Variants in CPNE8 observed in about 807,000 individuals in gnomAD.
CPNE8 encodes copine 8, also known as copine-8.
A neutral mutation model predicts 81.5 loss-of-function variants in CPNE8; 45 were observed. The ratio of observed to expected loss-of-function variants is 0.55; its 90% confidence interval spans 0.44 to 0.71. CPNE8 has a LOEUF of 0.71. Among genes scored for constraint, CPNE8 ranks in the 30% least tolerant of loss-of-function variants. The pLI is 0.00. For missense variants in CPNE8, 594 were observed against 672.1 expected (o/e 0.88, Z 1.28); for synonymous variants, 252 against 226.3 (o/e 1.11, Z -1.02).
chr12:38,856,201 T>C lies in CPNE8; in HGVS notation c.187-7539A>G, dbSNP rs974341391. On this transcript the variant is annotated intron_variant, in intron 3 of 19. Coordinates refer to ENST00000331366, the MANE Select transcript of CPNE8 (RefSeq NM_153634.3). Reference sequence around the variant, plus strand: ...AATGAATAAGAGATTGAAGCAGTAATCAACAACCTCAAAAGCAGTAATCAA... The same window carrying C: ...AATGAATAAGAGATTGAAGCAGTAACCAACAACCTCAAAAGCAGTAATCAA... Among the ~76,000 whole-genome samples the C allele has an allele frequency of 5.9e-5, 9 of 152,052 alleles. No individual in the cohort carries two copies. In the South Asian group the frequency reaches 1.5e-3, roughly 25 times the overall value.
At chr12:38,725,377 T>C (rs1940670047) in intron 11 of CPNE8, among the ~76,000 whole-genome samples, 1 of 152,230 alleles carries the variant, frequency 6.6e-6, no homozygotes, top group Non-Finnish European at 1.5e-5. Context: ...TGCTACATAA[T>C]AATTGGTAAA....
intron 10 of CPNE8, among the ~76,000 whole-genome samples, chr12:38,746,190 T>C (rs1163580385): frequency 6.6e-6 from 1 of 151,860 alleles, no homozygotes; most frequent in Non-Finnish European, 1.5e-5. Flanking sequence ...TTCTTCAATA[T>C]TAAAAAAAAA....
intron 15 of CPNE8, among the ~76,000 whole-genome samples, chr12:38,686,826 C>T (rs1397239733): frequency 4.6e-5 from 7 of 152,172 alleles, no homozygotes; most frequent in Admixed American, 4.6e-4. Context: ...TAACTTTCCC[C>T]AGATTGAGTG....
chr12:38,696,605 A>G (rs894955773), intron 14 of CPNE8, among the ~76,000 whole-genome samples: 3 of 152,216 alleles, frequency 2.0e-5, no homozygotes, highest in Non-Finnish European at 4.4e-5. Flanking sequence ...CAATATGTAT[A>G]CTTTTGTTAT....
chr12:38,783,430 C>A (rs1307113988), intron 6 of CPNE8, among the ~76,000 whole-genome samples: 2 of 152,154 alleles, frequency 1.3e-5, no homozygotes, highest in Non-Finnish European at 2.9e-5. Flanking sequence ...CCCCTTGCAG[C>A]TACACTGTGG....
chr12:38,738,525 G>A (rs79651568), intron 10 of CPNE8, among the ~76,000 whole-genome samples: 1,625 of 152,164 alleles, frequency 0.011, 32 homozygotes, highest in African/African-American at 0.036. Context: ...GGGATTGTTA[G>A]TCAAAAAATG....
chr12:38,862,320 A>G (rs1943849541), intron 3 of CPNE8, among the ~76,000 whole-genome samples: 1 of 151,808 alleles, frequency 6.6e-6, no homozygotes, highest in Non-Finnish European at 1.5e-5. Flanking sequence ...GATGGTGGAA[A>G]CATATGAGTT....
intron 10 of CPNE8, among the ~76,000 whole-genome samples, chr12:38,753,361 A>G (rs1044779392): frequency 6.6e-6 from 1 of 152,176 alleles, no homozygotes; most frequent in African/African-American, 2.4e-5. Context: ...CTGAGACAGG[A>G]GAATCACCTG....
upstream of CPNE8, chr12:38,905,595 G>A (rs1243859842): frequency 6.5e-7 from 1 of 1,533,614 alleles, no homozygotes. Flanking sequence ...GCGGACTGAG[G>A]GCTAGCTCCC....
chr12:38,906,577 A>G (rs1944574922), upstream of CPNE8: 2 of 985,482 alleles, frequency 2.0e-6, no homozygotes, highest in African/African-American at 1.7e-5. Flanking sequence ...ACCCGCAAGA[A>G]CTGAGACCTG....
chr12:38,779,227 T>C (rs1941995864), intron 6 of CPNE8, among the ~76,000 whole-genome samples: 1 of 152,078 alleles, frequency 6.6e-6, no homozygotes. Flanking sequence ...TAAGGACCAA[T>C]CAGAAGCTTA....
chr12:38,679,811 A>C, intron 16 of CPNE8: 1 of 441,390 alleles, frequency 2.3e-6, no homozygotes, highest in Non-Finnish European at 3.0e-6. Context: ...TTATTTTAAA[A>C]ATATTATATA....
intron 10 of CPNE8, among the ~76,000 whole-genome samples, chr12:38,749,109 G>T (rs1389395926): frequency 6.6e-6 from 1 of 152,054 alleles, no homozygotes; most frequent in Non-Finnish European, 1.5e-5. Flanking sequence ...ATGGGGGCGG[G>T]TCTTTCTCAT....
intron 13 of CPNE8, among the ~76,000 whole-genome samples, chr12:38,721,819 G>A (rs113005165): frequency 0.048 from 7,244 of 152,266 alleles, 587 homozygotes; most frequent in African/African-American, 0.16. Flanking sequence ...TGCCAGCCAG[G>A]GAAGCTGCTT....
chr12:38,746,660 G>T (rs560660106), intron 10 of CPNE8, among the ~76,000 whole-genome samples: 2 of 152,266 alleles, frequency 1.3e-5, no homozygotes, highest in South Asian at 4.1e-4. Flanking sequence ...AACAGGAACA[G>T]AAATATTTTC....
intron 8 of CPNE8, among the ~76,000 whole-genome samples, chr12:38,764,047 C>T (rs1941625548): frequency 1.3e-5 from 2 of 152,128 alleles, no homozygotes; most frequent in South Asian, 4.1e-4. Flanking sequence ...GCAGTATCCT[C>T]ACTCATCTAA....
At chr12:38,890,150 A>T (rs1196091451) in intron 1 of CPNE8, among the ~76,000 whole-genome samples, 1 of 151,904 alleles carries the variant, frequency 6.6e-6, no homozygotes, top group Non-Finnish European at 1.5e-5. Context: ...ACCTCATTGA[A>T]ACAAAGTGGC....
In CPNE8 at chr12:38,839,949, A is replaced by G. The variant is rs1943442071; in HGVS notation, c.297T>C (p.Asp99=). ...ERENLRFDLY[D]VDSKSPNLSK... Reference sequence around the variant, plus strand: ...ATAAGTTGGGGCTCTTTGAATCAACATCATACCTAAAAGATTGAAATATAA... The same window carrying G: ...ATAAGTTGGGGCTCTTTGAATCAACGTCATACCTAAAAGATTGAAATATAA... The change falls in exon 5 of 20, where the codon GAT becomes GAC. Residue 99 remains aspartate (D), a synonymous_variant. Coordinates refer to ENST00000331366, the MANE Select transcript of CPNE8 (RefSeq NM_153634.3). 1 of 1,581,426 alleles carries G rather than the reference A, an allele frequency of 6.3e-7. No homozygotes were observed.
chr12:38,820,347 G>C (rs1943093989), intron 6 of CPNE8, among the ~76,000 whole-genome samples: 1 of 151,938 alleles, frequency 6.6e-6, no homozygotes, highest in African/African-American at 2.4e-5. Flanking sequence ...AGAAGTTGCA[G>C]TGAGCCGAGA....
Sources: allele counts gnomAD v4.1 joint callset (sites outside exome capture counted in the v4.1 genomes callset), GRCh38; gene constraint gnomAD v4.1.1; transcripts MANE v1.5; gene names NCBI Gene and HGNC (gene_info 2026-07-23, HGNC 2026-07-21).